GABBR2: variants seen among roughly 807,000 people sequenced by gnomAD.
GABBR2 encodes the protein gamma-aminobutyric acid type B receptor subunit 2.
A neutral mutation model predicts 105.6 loss-of-function variants in GABBR2; 23 were observed. The ratio of observed to expected loss-of-function variants is 0.22; its 90% CI spans 0.16 to 0.31. The LOEUF is 0.31. Ranked by LOEUF, GABBR2 falls within the 10% of genes least tolerant of loss-of-function variation. GABBR2 has a pLI of 1.00. For synonymous variants in GABBR2, 478 were observed against 499.7 expected (o/e 0.96, Z 0.58); for missense variants, 734 against 1,245.5 (o/e 0.59, Z 6.18).
intron 1 of GABBR2, among the ~76,000 whole-genome samples, chr9:98,593,498 TC>T (rs1204326461): frequency 6.7e-6 from 1 of 150,310 alleles, no homozygotes; most frequent in Non-Finnish European, 1.5e-5. Flanking sequence ...GAGAGGGGAG[TC>T]CTAGTTTCCT....
chr9:98,413,479 C>A (rs1832626501), intron 7 of GABBR2, among the ~76,000 whole-genome samples: 1 of 151,926 alleles, frequency 6.6e-6, no homozygotes, highest in Non-Finnish European at 1.5e-5. Flanking sequence ...TCCCCTTGAG[C>A]TATAGAAGAG....
At chr9:98,405,240 G>A (rs771152195) in intron 8 of GABBR2, among the ~76,000 whole-genome samples, 1 of 152,160 alleles carries the variant, frequency 6.6e-6, no homozygotes, top group Non-Finnish European at 1.5e-5. Flanking sequence ...TTTAGAGTCT[G>A]TTTGAACATC....
chr9:98,536,937 C>A (rs12349351), intron 3 of GABBR2, among the ~76,000 whole-genome samples: 52,800 of 152,100 alleles, frequency 0.35, 9,467 homozygotes, highest in Middle Eastern at 0.48. Context: ...CTGAGGGCCA[C>A]AAGTAGACCG....
At chr9:98,292,287 T>A (rs776837540) in intron 18 of GABBR2, among the ~76,000 whole-genome samples, 1 of 152,220 alleles carries the variant, frequency 6.6e-6, no homozygotes, top group Non-Finnish European at 1.5e-5. Flanking sequence ...ATTCCCATTA[T>A]AAAGAAGAGG....
chr9:98,564,010 G>A (rs532137261), intron 2 of GABBR2, among the ~76,000 whole-genome samples: 1 of 150,488 alleles, frequency 6.6e-6, no homozygotes, highest in Admixed American at 6.7e-5. Context: ...TATTTTCTGA[G>A]TTTGAAGGAA....
At chr9:98,479,006 T>C (rs537653749) in intron 5 of GABBR2, among the ~76,000 whole-genome samples, 1 of 152,322 alleles carries the variant, frequency 6.6e-6, no homozygotes, top group Non-Finnish European at 1.5e-5. Context: ...ATTATTTTCC[T>C]TTTTAAAGTG....
intron 3 of GABBR2, among the ~76,000 whole-genome samples, chr9:98,528,040 A>T (rs1827994288): frequency 6.6e-6 from 1 of 152,162 alleles, no homozygotes; most frequent in African/African-American, 2.4e-5. Context: ...AGCATTTTGG[A>T]TATGTTGTAT....
At chr9:98,517,850 A>G (rs983529784) in intron 3 of GABBR2, among the ~76,000 whole-genome samples, 2 of 151,964 alleles carry the variant, frequency 1.3e-5, no homozygotes, top group Admixed American at 1.3e-4. Flanking sequence ...TCAGAGGGCC[A>G]ATGGGAGCCC....
At chr9:98,336,102 T>A (rs1329843662) in intron 13 of GABBR2, among the ~76,000 whole-genome samples, 1 of 152,150 alleles carries the variant, frequency 6.6e-6, no homozygotes, top group Non-Finnish European at 1.5e-5. Flanking sequence ...GATCTGGTGA[T>A]CAGGGAGGTG....
At chr9:98,303,933 C>T (rs535432364) in intron 15 of GABBR2, among the ~76,000 whole-genome samples, 8 of 152,328 alleles carry the variant, frequency 5.3e-5, no homozygotes, top group South Asian at 4.1e-4. Context: ...TCACAGTTTC[C>T]GTGAGTCAGG....
intron 7 of GABBR2, among the ~76,000 whole-genome samples, chr9:98,413,238 C>T (rs1832620955): frequency 6.6e-6 from 1 of 152,166 alleles, no homozygotes. Flanking sequence ...CCTCCCAGGA[C>T]AGCACTGGTC....
chr9:98,456,117 T>A (rs1325069666), intron 6 of GABBR2, among the ~76,000 whole-genome samples: 1 of 151,588 alleles, frequency 6.6e-6, no homozygotes, highest in Non-Finnish European at 1.5e-5. Flanking sequence ...CCGCCCACAC[T>A]CCATGCCCGC....
chr9:98,301,777 G>A (rs537413550), intron 16 of GABBR2, among the ~76,000 whole-genome samples: 39 of 152,328 alleles, frequency 2.6e-4, no homozygotes, highest in Non-Finnish European at 3.4e-4. Context: ...TACTCATCAG[G>A]AGAGGTCTGA....
chr9:98,632,711 G>T (rs1829829544), intron 1 of GABBR2, among the ~76,000 whole-genome samples: 1 of 152,216 alleles, frequency 6.6e-6, no homozygotes, highest in Admixed American at 6.5e-5. Context: ...GCCCATCAGG[G>T]TTTCCAACTG....
At chr9:98,542,405 G>A (rs1828323379) in intron 2 of GABBR2, among the ~76,000 whole-genome samples, 2 of 152,112 alleles carry the variant, frequency 1.3e-5, no homozygotes, top group South Asian at 2.1e-4. Flanking sequence ...CCATTTAACG[G>A]TATCCTTAAA....
chr9:98,428,571 C>T (rs10739641), intron 7 of GABBR2, among the ~76,000 whole-genome samples: 84,216 of 152,048 alleles, frequency 0.55, 26,138 homozygotes, highest in Non-Finnish European at 0.7. Flanking sequence ...CACTTGGCCC[C>T]ATGCTCAGCC....
chr9:98,299,914 G>A (rs1296398910), intron 16 of GABBR2, among the ~76,000 whole-genome samples: 2 of 151,984 alleles, frequency 1.3e-5, no homozygotes, highest in African/African-American at 4.8e-5. Context: ...CCAGATTAGA[G>A]TGCAGTGGTG....
At chr9:98,606,887 T>A in intron 1 of GABBR2, 2 of 580,970 alleles carry the variant, frequency 3.4e-6, no homozygotes, top group Non-Finnish European at 6.3e-6. Flanking sequence ...CCATGGGAGG[T>A]CTGATTGATC....
Position 98,514,581 on chromosome 9 carries a change from T to C in GABBR2, c.631-18067A>G, listed in dbSNP as rs1331922391. The stretch of plus-strand genomic sequence containing the variant: ...AACAAACACAGCATGTTCTCACTCA[T>C]AGGTGGGAATTGAACAATGAGAACA... On this transcript the variant is annotated intron_variant, in intron 3 of 18. Coordinates refer to ENST00000259455, the MANE Select transcript of GABBR2 (RefSeq NM_005458.8). 1.5e-4 allele frequency among the ~76,000 whole-genome samples: 21 copies of C among 137,014 alleles called. 1 individual carries two copies. In the Admixed American group the frequency reaches 1.5e-3, roughly 10 times the overall value. 89.9% of individuals were successfully genotyped at this position (137,014 alleles called of 152,430 possible). A position where few individuals can be genotyped will look rare whatever the true frequency, so the allele number is the denominator to read the frequency against.
Sources: allele counts gnomAD v4.1 joint callset (sites outside exome capture counted in the v4.1 genomes callset), GRCh38; gene constraint gnomAD v4.1.1; transcripts MANE v1.5; gene names NCBI Gene and HGNC (gene_info 2026-07-23, HGNC 2026-07-21).